Variants in NTM observed in about 807,000 individuals in gnomAD.
NTM encodes neurotrimin.
A neutral mutation model predicts 42.1 loss-of-function variants in NTM; 13 were observed. The ratio of observed to expected loss-of-function variants is 0.31; its 90% CI spans 0.20 to 0.49. NTM has a LOEUF of 0.49. Among genes scored for constraint, NTM ranks in the 20% least tolerant of loss-of-function variants. The probability of loss-of-function intolerance (pLI) is 0.99; values close to 1 mark genes in which losing one functional copy is unlikely to be tolerated. For missense variants in NTM, 373 were observed against 452.8 expected, an observed-to-expected ratio of 0.82 and a Z score of 1.60; for synonymous variants, 187 against 179.2, an observed-to-expected ratio of 1.04 and a Z score of -0.35.
intron 1 of NTM, among the ~76,000 whole-genome samples, chr11:131,375,942 C>T (rs986424255): frequency 6.6e-6 from 1 of 152,118 alleles, no homozygotes; most frequent in Non-Finnish European, 1.5e-5. Flanking sequence ...TCCTTCTGCC[C>T]ACTCCCCCTA....
At chr11:132,151,036 G>T (rs758481064) in intron 3 of NTM, among the ~76,000 whole-genome samples, 1 of 152,064 alleles carries the variant, frequency 6.6e-6, no homozygotes, top group African/African-American at 2.4e-5. Flanking sequence ...TAACATTTAG[G>T]TCTAATGATT....
chr11:131,695,204 G>A (rs2075305123), intron 1 of NTM, among the ~76,000 whole-genome samples: 1 of 129,922 alleles, frequency 7.7e-6, no homozygotes, highest in Admixed American at 1.0e-4. Flanking sequence ...GATAGGCACT[G>A]GGTTTGTATA....
chr11:131,466,514 C>G (rs975523041), intron 1 of NTM, among the ~76,000 whole-genome samples: 6 of 152,214 alleles, frequency 3.9e-5, no homozygotes, highest in Non-Finnish European at 8.8e-5. Flanking sequence ...GCTCTTGGAA[C>G]TAACCCCTCC....
At chr11:131,660,638 C>T (rs2067896904) in intron 1 of NTM, 1 of 454,610 alleles carries the variant, frequency 2.2e-6, no homozygotes, top group Non-Finnish European at 4.4e-6. Context: ...GTGCACCCCT[C>T]CCCCCTTATT....
intron 1 of NTM, among the ~76,000 whole-genome samples, chr11:131,547,289 C>T (rs950351798): frequency 5.3e-5 from 8 of 152,138 alleles, no homozygotes; most frequent in Admixed American, 1.3e-4. Context: ...TATAGATTAA[C>T]ATTTCCACAT....
At chr11:132,232,235 C>T (rs1003761359) in intron 4 of NTM, among the ~76,000 whole-genome samples, 15 of 152,138 alleles carry the variant, frequency 9.9e-5, no homozygotes, top group African/African-American at 3.4e-4. Flanking sequence ...GCTTGCCAAG[C>T]GCTCAGAGGG....
chr11:131,494,644 T>A (rs117845675), intron 1 of NTM, among the ~76,000 whole-genome samples: 94 of 152,310 alleles, frequency 6.2e-4, no homozygotes, highest in African/African-American at 2.2e-3. Flanking sequence ...TGGCAAAATA[T>A]CTTGAATGAA....
intron 1 of NTM, among the ~76,000 whole-genome samples, chr11:131,708,189 C>T (rs1592647630): frequency 1.3e-5 from 2 of 151,756 alleles, no homozygotes; most frequent in African/African-American, 4.8e-5. Context: ...TATAACAAAC[C>T]GTTAATACCC....
chr11:131,629,498 G>A (rs966550440), intron 1 of NTM, among the ~76,000 whole-genome samples: 1 of 152,146 alleles, frequency 6.6e-6, no homozygotes, highest in Non-Finnish European at 1.5e-5. Flanking sequence ...GAAATGTACA[G>A]ACACAAATAT....
At chr11:131,872,776 G>T (rs1017961168) in intron 1 of NTM, among the ~76,000 whole-genome samples, 1 of 152,082 alleles carries the variant, frequency 6.6e-6, no homozygotes, top group South Asian at 2.1e-4. Context: ...CATACTGTGG[G>T]GTAATTAGAC....
At chr11:132,090,751 A>G (rs764135104) in intron 2 of NTM, among the ~76,000 whole-genome samples, 3 of 152,096 alleles carry the variant, frequency 2.0e-5, no homozygotes, top group Non-Finnish European at 4.4e-5. Flanking sequence ...TATCACTGTC[A>G]GACTCTTCAA....
At chr11:131,510,352 A>G (rs79658514) in intron 1 of NTM, among the ~76,000 whole-genome samples, 5,127 of 152,296 alleles carry the variant, frequency 0.034, 298 homozygotes, top group African/African-American at 0.12. Context: ...AGGTGAAAGC[A>G]AAACCTGCTC....
intron 1 of NTM, among the ~76,000 whole-genome samples, chr11:131,639,390 A>G (rs2064841126): frequency 6.6e-6 from 1 of 152,220 alleles, no homozygotes. Flanking sequence ...TTTCTCAGAT[A>G]AGAATTTGAT....
intron 2 of NTM, among the ~76,000 whole-genome samples, chr11:131,977,794 G>GA (rs11337489): frequency 2.7e-4 from 41 of 151,626 alleles, no homozygotes; most frequent in Admixed American, 2.1e-3. Context: ...CGAAGAAAAG[G>GA]AAAAAAAAGG....
intron 4 of NTM, among the ~76,000 whole-genome samples, chr11:132,283,892 C>T (rs1202569351): frequency 6.6e-6 from 1 of 152,098 alleles, no homozygotes; most frequent in Non-Finnish European, 1.5e-5. Flanking sequence ...CATGGGAGTG[C>T]CTGTGCTGTC....
chr11:131,654,764 C>T (rs2066965843), intron 1 of NTM, among the ~76,000 whole-genome samples: 1 of 152,170 alleles, frequency 6.6e-6, no homozygotes, highest in African/African-American at 2.4e-5. Context: ...ATGTGACACA[C>T]CCACTCCCCT....
chr11:131,725,250 A>C (rs990306169), intron 1 of NTM, among the ~76,000 whole-genome samples: 1 of 152,208 alleles, frequency 6.6e-6, no homozygotes, highest in Non-Finnish European at 1.5e-5. Context: ...GCATGTGTGA[A>C]GTACTATATT....
intron 2 of NTM, among the ~76,000 whole-genome samples, chr11:131,992,724 C>G (rs2067253806): frequency 6.6e-6 from 1 of 152,124 alleles, no homozygotes; most frequent in African/African-American, 2.4e-5. Flanking sequence ...CTTACAAATT[C>G]ACTTTGAAAG....
chr11:132,087,972 G>A (rs2059933685), intron 2 of NTM, among the ~76,000 whole-genome samples: 1 of 152,160 alleles, frequency 6.6e-6, no homozygotes, highest in Admixed American at 6.5e-5. Context: ...CATTGGCTGT[G>A]GCTCATTCCC....
Sources: gnomAD v4.1 joint callset for allele counts (sites outside exome capture counted in the v4.1 genomes callset) on GRCh38, gnomAD v4.1.1 for gene constraint, MANE v1.5 for transcripts, NCBI Gene and HGNC (gene_info 2026-07-23, HGNC 2026-07-21) for gene names.